The following NPTN variants were observed in gnomAD, a reference collection of about 807,000 sequenced individuals.
NPTN encodes neuroplastin, also known as SDR-1.
A neutral mutation model predicts 42.7 loss-of-function variants in NPTN; 5 were observed. The ratio of observed to expected loss-of-function variants is 0.12; its 90% CI spans 0.06 to 0.25. The LOEUF (loss-of-function observed/expected upper bound fraction) is 0.25, where lower values mean the gene tolerates loss of function less well. NPTN is among the 10% of genes least tolerant of loss of function. The probability of loss-of-function intolerance (pLI) is 1.00; values close to 1 mark genes in which losing one functional copy is unlikely to be tolerated. For missense variants in NPTN, 307 were observed against 525.4 expected (o/e 0.58, Z 4.06); for synonymous variants, 180 against 201.9 (o/e 0.89, Z 0.92).
intron 1 of NPTN, among the ~76,000 whole-genome samples, chr15:73,629,991 G>T (rs1256915177): frequency 1.3e-5 from 2 of 152,132 alleles, no homozygotes; most frequent in Non-Finnish European, 2.9e-5. Context: ...TCTATGTGGG[G>T]CCTTCAAATG....
chr15:73,569,283 C>T lies in NPTN; in HGVS notation c.1114+867G>A. On this transcript the variant is annotated intron_variant, in intron 6 of 8. Transcript: ENST00000345330. This position sits in a 1 kb window ranked among gnomAD's most constrained non-coding sequence, Gnocchi z 4.1. ...TACAAGTCTCCATCAGCAGCTTCCC[C>T]CTTCACAGGAAAAATCGATCACCAA... 1 of 985,554 alleles carries T rather than the reference C, an allele frequency of 1.0e-6. No homozygotes were observed. Among genetic ancestry groups the T allele is most frequent in the Non-Finnish European group, 1.2e-6 (1 of 830,036 alleles). The allele number at this position is 985,554 out of a possible 1,614,324, so 61.1% of individuals were successfully genotyped here.
intron 1 of NPTN, among the ~76,000 whole-genome samples, chr15:73,610,215 T>G (rs1897508997): frequency 6.6e-6 from 1 of 151,956 alleles, no homozygotes. Flanking sequence ...GCCTCTAGAG[T>G]AGCTAGGACT....
intron 1 of NPTN, among the ~76,000 whole-genome samples, chr15:73,623,915 A>G (rs937955289): frequency 6.6e-6 from 1 of 152,196 alleles, no homozygotes; most frequent in African/African-American, 2.4e-5. Context: ...CATTAAAATC[A>G]TCTTAATACT....
intron 6 of NPTN, chr15:73,563,616 A>C (rs1894816522): frequency 1.9e-6 from 2 of 1,048,946 alleles, no homozygotes; most frequent in Non-Finnish European, 2.3e-6. Flanking sequence ...CCAACATTTC[A>C]GTTGTAAAAT....
chr15:73,596,320 A>G (rs1047794989), intron 2 of NPTN, among the ~76,000 whole-genome samples: 4 of 152,204 alleles, frequency 2.6e-5, no homozygotes, highest in African/African-American at 9.7e-5. Context: ...ACGGTTTTAG[A>G]AAAGAAAAAG....
At chr15:73,561,150 G>C (rs1296892059) in intron 8 of NPTN, 102 bp from the exon 9 acceptor site, 1 of 152,296 alleles carries the variant, frequency 6.6e-6, no homozygotes, top group African/African-American at 2.4e-5. Flanking sequence ...AGCACGCTCA[G>C]GGATGTGGTG....
intron 2 of NPTN, among the ~76,000 whole-genome samples, chr15:73,593,611 G>A (rs1349978796): frequency 6.6e-6 from 1 of 152,204 alleles, no homozygotes; most frequent in Non-Finnish European, 1.5e-5. Flanking sequence ...TGGGGAAGTC[G>A]TGGGATACTT....
At chr15:73,593,226 G>A (rs1427981462) in intron 2 of NPTN, among the ~76,000 whole-genome samples, 3 of 152,120 alleles carry the variant, frequency 2.0e-5, no homozygotes, top group African/African-American at 7.2e-5. Flanking sequence ...CATCTTTAAA[G>A]CACTTTGAAA....
intron 3 of NPTN, among the ~76,000 whole-genome samples, chr15:73,588,908 C>G (rs865860227): frequency 6.6e-6 from 1 of 152,176 alleles, no homozygotes; most frequent in African/African-American, 2.4e-5. Context: ...ATACCGAGTA[C>G]CTAGCCTGGT....
intron 1 of NPTN, among the ~76,000 whole-genome samples, chr15:73,623,517 T>C (rs1361949936): frequency 6.6e-6 from 1 of 152,018 alleles, no homozygotes; most frequent in Middle Eastern, 3.2e-3. Flanking sequence ...GGAGACCTCA[T>C]CTCCACAAAA....
intron 1 of NPTN, among the ~76,000 whole-genome samples, chr15:73,628,316 T>C (rs1898535953): frequency 6.6e-6 from 1 of 152,222 alleles, no homozygotes; most frequent in African/African-American, 2.4e-5. Flanking sequence ...TTTCTCCTTG[T>C]ACTACTGCAG....
intron 1 of NPTN, among the ~76,000 whole-genome samples, chr15:73,627,625 G>A (rs1208744511): frequency 6.6e-6 from 1 of 152,140 alleles, no homozygotes; most frequent in Non-Finnish European, 1.5e-5. Context: ...GAGCAATCAG[G>A]TCAAAATAAT....
intron 4 of NPTN, among the ~76,000 whole-genome samples, chr15:73,580,422 A>ATATATATAATATATATAT (rs1555407985): frequency 9.8e-6 from 1 of 102,144 alleles, no homozygotes; most frequent in African/African-American, 4.1e-5. Flanking sequence ...TATATATATA[A>ATATATATAATATATATAT]TATATATATA....
Position 73,597,577 on chromosome 15 carries a change from T to C in NPTN, c.92-208A>G, listed in dbSNP as rs974851168. Among the ~76,000 whole-genome samples, 1 of 152,230 alleles carries C rather than the reference T, an allele frequency of 6.6e-6. No homozygotes were observed. Among genetic ancestry groups the C allele is most frequent in the Non-Finnish European group, 1.5e-5 (1 of 68,042 alleles). On this transcript the variant is annotated intron_variant, in intron 1 of 8. Transcript: ENST00000345330. The surrounding 1 kb of genome is among the most constrained non-coding windows in gnomAD (Gnocchi z 6.3). The stretch of plus-strand genomic sequence containing the variant: ...GAAGAACCACACCCTGGGAAGCTTA[T>C]GAAGCAAAGGCAGGCTAATTACAAG...
intron 1 of NPTN, among the ~76,000 whole-genome samples, chr15:73,630,535 A>G (rs1232490050): frequency 1.3e-5 from 2 of 152,248 alleles, no homozygotes; most frequent in East Asian, 3.8e-4. Context: ...AATGTCCACA[A>G]CAATGGGTCA....
At chr15:73,632,979 G>A (rs1156864357) in intron 1 of NPTN, 146 bp downstream of exon 1, 9 of 552,348 alleles carry the variant, frequency 1.6e-5, no homozygotes, top group Non-Finnish European at 2.3e-5. Context: ...ACCCGCAGCC[G>A]GTACCTCCTC....
At chr15:73,604,190 T>A (rs1401968812) in intron 1 of NPTN, among the ~76,000 whole-genome samples, 1 of 151,936 alleles carries the variant, frequency 6.6e-6, no homozygotes, top group Non-Finnish European at 1.5e-5. Flanking sequence ...AAAAAAAACA[T>A]GGGCCGCTCA....
chr15:73,562,052 T>C lies in NPTN; in HGVS notation c.1137-82A>G. ...ATAACACATGGAAATACAGGGACTC[T>C]TTCACTTACTGCCATCCCTGGTGTA... On this transcript the variant is annotated intron_variant, in intron 7 of 8. Coordinates refer to ENST00000345330, the MANE Select transcript of NPTN (RefSeq NM_012428.4). The C allele has an allele frequency of 2.0e-6, 2 of 980,074 alleles. 1 individual carries two copies. Among genetic ancestry groups the C allele is most frequent in the South Asian group, 2.9e-5 (2 of 69,110 alleles). 60.7% of individuals were successfully genotyped at this position (980,074 alleles called of 1,614,324 possible).
chr15:73,580,495 A>G (rs1895966792), intron 4 of NPTN, among the ~76,000 whole-genome samples: 1 of 132,114 alleles, frequency 7.6e-6, no homozygotes, highest in South Asian at 2.2e-4. Flanking sequence ...ATATATATAC[A>G]TAAATATATA....
Sources: gnomAD v4.1 joint callset for allele counts (sites outside exome capture counted in the v4.1 genomes callset) on GRCh38, gnomAD v4.1.1 for gene constraint, Gnocchi (gnomAD v3.1) non-coding constraint, MANE v1.5 for transcripts, NCBI Gene and HGNC (gene_info 2026-07-23, HGNC 2026-07-21) for gene names.